Variants in PIK3C2G observed in about 807,000 individuals in gnomAD.
PIK3C2G encodes phosphatidylinositol-4-phosphate 3-kinase catalytic subunit type 2 gamma.
Under a neutral mutation model 181.1 loss-of-function variants are expected in PIK3C2G, and 168 were observed. That is an observed-to-expected ratio of 0.93 (90% CI 0.82 to 1.05). The LOEUF (loss-of-function observed/expected upper bound fraction) is 1.05, where lower values mean the gene tolerates loss of function less well. Ranked by LOEUF, PIK3C2G falls within the 50% of genes least tolerant of loss-of-function variation. PIK3C2G has a pLI of 0.00. For synonymous variants in PIK3C2G, 573 were observed against 592.2 expected (o/e 0.97, Z 0.47); for missense variants, 1,869 against 1,732.8 (o/e 1.08, Z -1.40).
intron 18 of PIK3C2G, among the ~76,000 whole-genome samples, chr12:18,478,502 C>T (rs1939229402): frequency 6.6e-6 from 1 of 152,106 alleles, no homozygotes; most frequent in Admixed American, 6.5e-5. Flanking sequence ...TCTAAATAAA[C>T]CAAGGAGGCC....
intron 5 of PIK3C2G, among the ~76,000 whole-genome samples, chr12:18,296,903 A>G (rs184276992): frequency 6.6e-6 from 1 of 152,236 alleles, no homozygotes; most frequent in Admixed American, 6.5e-5. Context: ...ATAATAGAAG[A>G]AAAGAAATCA....
intron 18 of PIK3C2G, among the ~76,000 whole-genome samples, chr12:18,426,575 C>T (rs1945828579): frequency 6.6e-6 from 1 of 152,034 alleles, no homozygotes; most frequent in African/African-American, 2.4e-5. Context: ...TTTCAATGAC[C>T]TAAGGATAAA....
At chr12:18,275,086 C>T (rs939406115) in intron 1 of PIK3C2G, among the ~76,000 whole-genome samples, 4 of 152,128 alleles carry the variant, frequency 2.6e-5, no homozygotes, top group Non-Finnish European at 2.9e-5. Flanking sequence ...TCCTGAGTTC[C>T]GGGGTCATGA....
In PIK3C2G at chr12:18,448,898, T is replaced by TTTTTATTTCTTGGC. The variant is rs1169433351; in HGVS notation, c.2504+24860_2504+24861insTTTATTTCTTGGCT. ...ATCCTCCCCAACCACTGATGGACAC[T>TTTTTATTTCTTGGC]TAAGTTGTTTTTATTTCTTGGCTAT... is the stretch of plus-strand genomic sequence containing the variant. On this transcript the variant is annotated intron_variant, in intron 18 of 32. Coordinates refer to ENST00000538779, the MANE Select transcript of PIK3C2G (RefSeq NM_001288772.2). 9.3e-3 allele frequency among the ~76,000 whole-genome samples: 1,414 copies of TTTTTATTTCTTGGC among 152,016 alleles called. 22 individuals carry two copies. Among genetic ancestry groups the TTTTTATTTCTTGGC allele is most frequent in the African/African-American group, 0.033 (1,369 of 41,468 alleles).
chr12:18,332,278 C>A (rs1938052378), intron 8 of PIK3C2G, among the ~76,000 whole-genome samples: 1 of 152,112 alleles, frequency 6.6e-6, no homozygotes, highest in Non-Finnish European at 1.5e-5. Flanking sequence ...AAGAGACAGT[C>A]TCTCTAAACA....
At chr12:18,526,092 G>A (rs1447413) in intron 24 of PIK3C2G, among the ~76,000 whole-genome samples, 36,046 of 151,794 alleles carry the variant, frequency 0.24, 5,309 homozygotes, top group Non-Finnish European at 0.34. Flanking sequence ...TCTAATTTGA[G>A]TATTACAGTA....
intron 31 of PIK3C2G, among the ~76,000 whole-genome samples, chr12:18,617,043 A>G (rs898472926): frequency 2.6e-5 from 4 of 152,158 alleles, no homozygotes; most frequent in African/African-American, 9.6e-5. Context: ...CATTTTGCCA[A>G]AAACATTCAA....
At position 18,292,210 on chromosome 12, in the gene PIK3C2G, CAAAA is replaced by C. The variant is rs745371375; in HGVS notation, c.919+1213_919+1216del. On this transcript the variant is annotated intron_variant, in intron 4 of 32. Coordinates refer to ENST00000538779, the MANE Select transcript of PIK3C2G (RefSeq NM_001288772.2). ...GGGCAACAAGAGCAAAACTCCATCT[CAAAA>C]AAAAAAAAAAAAAATATATATATAT... Among the ~76,000 whole-genome samples the C allele has an allele frequency of 1.4e-3, 39 of 28,606 alleles. No individual in the cohort carries two copies. In the East Asian group the frequency reaches 0.021, roughly 15 times the overall value. 18.8% of individuals were successfully genotyped at this position (28,606 alleles called of 152,430 possible).
At position 18,358,741 on chromosome 12, in the gene PIK3C2G, T is replaced by A. The variant is rs1032656209; in HGVS notation, c.1626-4023T>A. 5.0e-5 allele frequency: 20 copies of A among 401,620 alleles called. No homozygotes were observed. In the Admixed American group the frequency reaches 5.6e-4, roughly 11 times the overall value. 24.9% of individuals were successfully genotyped at this position (401,620 alleles called of 1,614,324 possible). The stretch of plus-strand genomic sequence containing the variant: ...AGCCTTGATTCTCATGACTTTATTA[T>A]AAATTGGTAATGTTTGCAACCACAT... On this transcript the variant is annotated intron_variant, in intron 11 of 32. Coordinates refer to ENST00000538779, the MANE Select transcript of PIK3C2G (RefSeq NM_001288772.2).
chr12:18,631,640 A>C (rs1008017478), intron 31 of PIK3C2G, among the ~76,000 whole-genome samples: 18 of 152,222 alleles, frequency 1.2e-4, no homozygotes, highest in African/African-American at 4.1e-4. Context: ...ATTAAAATCC[A>C]GTTATAATAA....
intron 1 of PIK3C2G, among the ~76,000 whole-genome samples, chr12:18,250,111 G>C (rs1394944172): frequency 6.6e-6 from 1 of 151,982 alleles, no homozygotes; most frequent in Admixed American, 6.6e-5. Flanking sequence ...AAAATGTTAA[G>C]TTCACTAGTT....
chr12:18,709,161 G>GT, the PIK3C2G span, among the ~76,000 whole-genome samples: 13 of 152,176 alleles, frequency 8.5e-5, no homozygotes, highest in Non-Finnish European at 1.5e-4. Flanking sequence ...TTATATGTAA[G>GT]TTTTTTATCC....
chr12:18,538,288 A>G lies in PIK3C2G; in HGVS notation c.3456A>G (p.Gln1152=). The change falls in exon 25 of 33, where the codon CAA becomes CAG. Residue 1152 remains glutamine, a synonymous_variant. Coordinates refer to ENST00000538779, the MANE Select transcript of PIK3C2G (RefSeq NM_001288772.2). ...ATAATATTATCAGAAAGCACAGCCAACTGCTCTTGAACCTGCTGGAAATGG... is the reference window on the plus strand; with the variant it reads ...ATAATATTATCAGAAAGCACAGCCAGCTGCTCTTGAACCTGCTGGAAATGG... ...RAYNIIRKHS[Q]LLLNLLEMML... The G allele has an allele frequency of 1.2e-6, 2 of 1,609,864 alleles. No individual in the cohort carries two copies. The highest frequency in any genetic ancestry group is 1.7e-6 in the Non-Finnish European group (2 of 1,178,352).
the PIK3C2G span, chr12:18,693,810 G>T: frequency 6.6e-7 from 1 of 1,522,296 alleles, no homozygotes; most frequent in African/African-American, 1.4e-5. Context: ...ATCAGACCAG[G>T]CCGCATTGGC....
At chr12:18,250,355 T>A (rs1948083734) in intron 1 of PIK3C2G, among the ~76,000 whole-genome samples, 1 of 152,092 alleles carries the variant, frequency 6.6e-6, no homozygotes, top group South Asian at 2.1e-4. Context: ...TACATTATTG[T>A]CCTTTTTCAT....
chr12:18,405,362 G>T (rs192788635), intron 16 of PIK3C2G, among the ~76,000 whole-genome samples: 2 of 152,098 alleles, frequency 1.3e-5, no homozygotes, highest in South Asian at 2.1e-4. Flanking sequence ...TATAGAAAGA[G>T]GCCAGAGATG....
At chr12:18,553,336 G>A (rs1944832848) in intron 26 of PIK3C2G, among the ~76,000 whole-genome samples, 1 of 151,950 alleles carries the variant, frequency 6.6e-6, no homozygotes, top group Non-Finnish European at 1.5e-5. Flanking sequence ...ACTGAAAACT[G>A]GAATATCATT....
chr12:18,600,053 T>C (rs1029740052), intron 30 of PIK3C2G, among the ~76,000 whole-genome samples: 12 of 151,924 alleles, frequency 7.9e-5, no homozygotes, highest in Admixed American at 7.9e-4. Flanking sequence ...CTAAGTAGAT[T>C]TATAGAAAAA....
chr12:18,433,825 G>C (rs10841026), intron 18 of PIK3C2G, among the ~76,000 whole-genome samples: 34,343 of 152,042 alleles, frequency 0.23, 4,096 homozygotes, highest in Admixed American at 0.34. Flanking sequence ...GTAGGCAAAT[G>C]AGTGTTTGGT....
Sources: gnomAD v4.1 joint callset for allele counts (sites outside exome capture counted in the v4.1 genomes callset) on GRCh38, gnomAD v4.1.1 for gene constraint, MANE v1.5 for transcripts, NCBI Gene and HGNC (gene_info 2026-07-23, HGNC 2026-07-21) for gene names.